The following SMARCB1 variants were observed in gnomAD, a reference collection of about 807,000 sequenced individuals.
SMARCB1 encodes the protein SWI/SNF-related matrix-associated actin-dependent regulator of chromatin subfamily B member 1.
A neutral mutation model predicts 49.0 loss-of-function variants in SMARCB1; 5 were observed. The ratio of observed to expected loss-of-function variants is 0.10; its 90% CI spans 0.05 to 0.21. SMARCB1 has a LOEUF of 0.21. SMARCB1 is among the 10% of genes least tolerant of loss of function. SMARCB1 has a pLI of 1.00. For missense variants in SMARCB1, 226 were observed against 509.2 expected (o/e 0.44, Z 5.35); for synonymous variants, 201 against 200.1 (o/e 1.00, Z -0.04).
intron 3 of SMARCB1, among the ~76,000 whole-genome samples, chr22:23,795,690 A>G (rs1236575298): frequency 6.6e-6 from 1 of 151,490 alleles, no homozygotes; most frequent in Non-Finnish European, 1.5e-5. Flanking sequence ...ATAAATAAAT[A>G]AAAAATAAAA....
At position 23,787,095 on chromosome 22, in the gene SMARCB1, C is replaced by T. The variant is rs1359777427; in HGVS notation, c.-75C>T. On this transcript the variant is annotated 5_prime_UTR_variant, in exon 1 of 9. Coordinates refer to ENST00000644036, the MANE Select transcript of SMARCB1 (RefSeq NM_003073.5). ...CTTCCGGCTTCGGTTTCCCTCGGCC[C>T]AGCACGCCCCGGCCCCGCCCCAGCC... is the stretch of plus-strand genomic sequence containing the variant. The T allele has an allele frequency of 3.3e-5, 32 of 961,132 alleles. No homozygotes were observed. The highest frequency in any genetic ancestry group is 1.6e-4 in the Admixed American group (9 of 54,592). The allele number at this position is 961,132 out of a possible 1,614,324, so 59.5% of individuals were successfully genotyped here. A position where few individuals can be genotyped will look rare whatever the true frequency, so the allele number is the denominator to read the frequency against.
intron 5 of SMARCB1, among the ~76,000 whole-genome samples, chr22:23,806,919 CAAAAAAA>C (rs61000279): frequency 2.3e-5 from 2 of 86,868 alleles, no homozygotes; most frequent in Non-Finnish European, 4.7e-5. Flanking sequence ...GACTCTATCT[CAAAAAAA>C]AAAAAAAAAA....
At chr22:23,828,030 G>A (rs2030473039) in intron 7 of SMARCB1, among the ~76,000 whole-genome samples, 3 of 152,188 alleles carry the variant, frequency 2.0e-5, no homozygotes, top group Admixed American at 2.0e-4. Context: ...CACACAGAAA[G>A]CTTGGCAACT....
intron 5 of SMARCB1, among the ~76,000 whole-genome samples, chr22:23,812,334 A>G (rs903899934): frequency 4.6e-5 from 7 of 151,996 alleles, no homozygotes; most frequent in African/African-American, 7.2e-5. Context: ...AAGGAAAACA[A>G]TTCTCCCCCC....
At chr22:23,817,703 G>A (rs2146012368) in intron 6 of SMARCB1, 1 of 152,364 alleles carries the variant, frequency 6.6e-6, no homozygotes, top group Non-Finnish European at 1.5e-5. Context: ...CCGTGCACCA[G>A]ATGGAGCCTG....
Position 23,787,022 on chromosome 22 carries a change from T to G in SMARCB1, c.-148T>G. The G allele has an allele frequency of 3.8e-6, 2 of 523,220 alleles. No individual in the cohort carries two copies. Among genetic ancestry groups the G allele is most frequent in the South Asian group, 2.4e-5 (1 of 40,826 alleles). 32.4% of individuals were successfully genotyped at this position (523,220 alleles called of 1,614,324 possible). A position where few individuals can be genotyped will look rare whatever the true frequency, so the allele number is the denominator to read the frequency against. ...CGTCGTCTGCGGCGGCGGCGGCGGCTGAGGAGCCCGGCTGAGGCGCCAGTA... is the reference window on the plus strand; with the variant it reads ...CGTCGTCTGCGGCGGCGGCGGCGGCGGAGGAGCCCGGCTGAGGCGCCAGTA... On this transcript the variant is annotated 5_prime_UTR_variant, in exon 1 of 9. Coordinates refer to ENST00000644036, the MANE Select transcript of SMARCB1 (RefSeq NM_003073.5).
At chr22:23,802,805 G>C in intron 4 of SMARCB1, 1 of 294,898 alleles carries the variant, frequency 3.4e-6, no homozygotes. Flanking sequence ...CATAGCCTGA[G>C]GGAAGAACTG....
At chr22:23,801,282 T>C in intron 4 of SMARCB1, 1 of 797,886 alleles carries the variant, frequency 1.3e-6, no homozygotes. Flanking sequence ...CTGTCTGCTG[T>C]CACCTTGCCA....
Position 23,834,366 on chromosome 22 carries a change from C to T in SMARCB1, c.*186C>T. On this transcript the variant is annotated 3_prime_UTR_variant, in exon 9 of 9. Coordinates refer to ENST00000644036, the MANE Select transcript of SMARCB1 (RefSeq NM_003073.5). ...TTCCATTTGTTGAGCCCCAGTCCTG[C>T]CCCCCACCCCACCCTCCCTACCCCT... is the stretch of plus-strand genomic sequence containing the variant. 1.4e-6 allele frequency: 1 copy of T among 702,198 alleles called. No individual in the cohort carries two copies. 43.5% of individuals were successfully genotyped at this position (702,198 alleles called of 1,614,324 possible).
Position 23,835,939 on chromosome 22 carries a change from A to G in SMARCB1, c.*1759A>G. 1.0e-6 allele frequency: 1 copy of G among 985,494 alleles called. No individual in the cohort carries two copies. Among genetic ancestry groups the G allele is most frequent in the Non-Finnish European group, 1.2e-6 (1 of 829,952 alleles). The allele number at this position is 985,494 out of a possible 1,614,324, so 61.0% of individuals were successfully genotyped here. A position where few individuals can be genotyped will look rare whatever the true frequency, so the allele number is the denominator to read the frequency against. On this transcript the variant is annotated 3_prime_UTR_variant, in exon 9 of 9. Transcript: ENST00000644036. The stretch of plus-strand genomic sequence containing the variant: ...TGGCTACAACACGGAGGGCAGACTC[A>G]ACAGAGAACAGTGTTGTTACCATGA...
chr22:23,832,040 C>G (rs2030683313), intron 7 of SMARCB1, among the ~76,000 whole-genome samples: 1 of 152,232 alleles, frequency 6.6e-6, no homozygotes, highest in African/African-American at 2.4e-5. Context: ...GGAGAGCCAG[C>G]TGCAGCCAGT....
In SMARCB1 at chr22:23,786,973, C is replaced by T; in HGVS notation, c.-197C>T. The T allele has an allele frequency of 2.0e-6, 1 of 489,668 alleles. No homozygotes were observed. The highest frequency in any genetic ancestry group is 2.9e-5 in the South Asian group (1 of 35,054). The allele number at this position is 489,668 out of a possible 1,614,324, so 30.3% of individuals were successfully genotyped here. A position where few individuals can be genotyped will look rare whatever the true frequency, so the allele number is the denominator to read the frequency against. On this transcript the variant is annotated 5_prime_UTR_variant, in exon 1 of 9. Coordinates refer to ENST00000644036, the MANE Select transcript of SMARCB1 (RefSeq NM_003073.5). Reference sequence around the variant, plus strand: ...GCGCGCGTCAGCGTCAACGCCAGCGCCTGCGCACTGAGGGCGGCCTGGTCG... The same window carrying T: ...GCGCGCGTCAGCGTCAACGCCAGCGTCTGCGCACTGAGGGCGGCCTGGTCG...
rs201427523 is a variant in SMARCB1 at position 23,837,818 on chromosome 22, G to A, written c.*3638G>A. 5.0e-5 allele frequency: 81 copies of A among 1,613,498 alleles called. No homozygotes were observed. Among genetic ancestry groups the A allele is most frequent in the Admixed American group, 3.3e-5 (2 of 59,996 alleles). On this transcript the variant is annotated 3_prime_UTR_variant, in exon 9 of 9. Coordinates refer to ENST00000644036, the MANE Select transcript of SMARCB1 (RefSeq NM_003073.5). ...TACACCAGCATGGCCATGAGGGCCTGGCCCAGGAAGAACAGGCTGCCCAGG... is the reference window on the plus strand; with the variant it reads ...TACACCAGCATGGCCATGAGGGCCTAGCCCAGGAAGAACAGGCTGCCCAGG...
At chr22:23,802,742 T>A (rs1475268423) in intron 4 of SMARCB1, 1 of 225,282 alleles carries the variant, frequency 4.4e-6, no homozygotes, top group Non-Finnish European at 8.9e-6. Flanking sequence ...CTTCCCAAAG[T>A]ACTCCATTGC....
Position 23,834,184 on chromosome 22 carries a change from G to T in SMARCB1, c.*4G>T. ...CAACACGGCCCCGGCCTGGTAACCA[G>T]CCCATCAGCACACGGCTCCCACGGA... On this transcript the variant is annotated 3_prime_UTR_variant, in exon 9 of 9. Transcript: ENST00000644036. The T allele has an allele frequency of 6.3e-7, 1 of 1,588,042 alleles. No individual in the cohort carries two copies.
chr22:23,808,858 C>T (rs1317865453), intron 5 of SMARCB1, among the ~76,000 whole-genome samples: 1 of 151,710 alleles, frequency 6.6e-6, no homozygotes, highest in Non-Finnish European at 1.5e-5. Flanking sequence ...GCCACCATAC[C>T]CGGTTAATTT....
chr22:23,834,988 A>C lies in SMARCB1; in HGVS notation c.*808A>C. On this transcript the variant is annotated 3_prime_UTR_variant, in exon 9 of 9. Transcript: ENST00000644036. ...GCTGGGCTGTCGCCAGCCTGGGTGC[A>C]GGAGGGCTGTTCTAGCTCCAGTGGC... is the stretch of plus-strand genomic sequence containing the variant. The C allele has an allele frequency of 6.6e-7, 1 of 1,508,302 alleles. No homozygotes were observed. The highest frequency in any genetic ancestry group is 8.8e-7 in the Non-Finnish European group (1 of 1,130,974). 93.4% of individuals were successfully genotyped at this position (1,508,302 alleles called of 1,614,324 possible). A position where few individuals can be genotyped will look rare whatever the true frequency, so the allele number is the denominator to read the frequency against.
In SMARCB1 at chr22:23,837,566, C is replaced by A. The variant is rs1458966553; in HGVS notation, c.*3386C>A. On this transcript the variant is annotated 3_prime_UTR_variant, in exon 9 of 9. Coordinates refer to ENST00000644036, the MANE Select transcript of SMARCB1 (RefSeq NM_003073.5). ...ATGGAGCCAGGTGTGAGGAGAACTC[C>A]AGCAAGGATGGGAGAGGGGCCCCAG... The A allele has an allele frequency of 3.0e-6, 4 of 1,337,204 alleles. No homozygotes were observed. The highest frequency in any genetic ancestry group is 4.1e-6 in the Non-Finnish European group (4 of 972,356). 82.8% of individuals were successfully genotyped at this position (1,337,204 alleles called of 1,614,324 possible).
intron 5 of SMARCB1, chr22:23,816,089 G>C (rs1322915160): frequency 6.5e-6 from 1 of 153,348 alleles, no homozygotes; most frequent in African/African-American, 2.4e-5. Flanking sequence ...AATTTTTCTT[G>C]GCTTTTTCAG....
Sources: gnomAD v4.1 joint callset for allele counts (sites outside exome capture counted in the v4.1 genomes callset) on GRCh38, gnomAD v4.1.1 for gene constraint, MANE v1.5 for transcripts, NCBI Gene and HGNC (gene_info 2026-07-23, HGNC 2026-07-21) for gene names.